The following RLF variants were observed in gnomAD, a reference collection of about 807,000 sequenced individuals.
The protein encoded by RLF is RLF zinc finger.
Under a neutral mutation model 162.9 loss-of-function variants are expected in RLF, and 7 were observed. That is an observed-to-expected ratio of 0.04 (90% CI 0.02 to 0.08). The LOEUF (loss-of-function observed/expected upper bound fraction) is 0.08. Ranked by LOEUF, RLF falls within the 10% of genes least tolerant of loss-of-function variation. The pLI is 1.00. For missense variants in RLF, 1,664 were observed against 2,244.7 expected, an observed-to-expected ratio of 0.74 and a Z score of 5.23; for synonymous variants, 782 against 791.5, an observed-to-expected ratio of 0.99 and a Z score of 0.20.
chr1:40,212,996 TTC>T (rs1282930702), intron 5 of RLF, among the ~76,000 whole-genome samples: 1 of 152,100 alleles, frequency 6.6e-6, no homozygotes, highest in Non-Finnish European at 1.5e-5. Context: ...CTCCACCACC[TTC>T]TTTTATGCTA....
rs149683741 is a variant in RLF, at chr1:40,197,301, T to C, written c.607+1537T>C. On this transcript the variant is annotated intron_variant, in intron 4 of 7. Transcript: ENST00000372771. ...TGTTTATAGTTTTCCATTGAGGTCC[T>C]CAATAAACGGCATCCCCTTGTAAAT... Among the ~76,000 whole-genome samples the C allele has an allele frequency of 1.7e-4, 26 of 152,352 alleles. No homozygotes were observed. In the East Asian group the frequency reaches 4.8e-3, roughly 28 times the overall value.
chr1:40,222,734 C>G (rs958909405), intron 6 of RLF, 24 bp downstream of exon 6: 1 of 1,600,484 alleles, frequency 6.2e-7, no homozygotes, highest in Non-Finnish European at 8.6e-7. Context: ...GTTTTACACT[C>G]TTTATTTGTT....
chr1:40,227,917 C>T (rs1449982428), intron 6 of RLF, among the ~76,000 whole-genome samples: 4 of 151,528 alleles, frequency 2.6e-5, no homozygotes, highest in East Asian at 3.9e-4. Flanking sequence ...GCAGGAGAAT[C>T]GCTTGAACCT....
At chr1:40,213,952 T>G (rs1426072255) in intron 5 of RLF, among the ~76,000 whole-genome samples, 1 of 152,236 alleles carries the variant, frequency 6.6e-6, no homozygotes, top group Non-Finnish European at 1.5e-5. Context: ...GTTGGCTGCC[T>G]CTTATGCCTG....
chr1:40,192,524 A>G (rs1404737903), intron 3 of RLF, among the ~76,000 whole-genome samples: 1 of 152,166 alleles, frequency 6.6e-6, no homozygotes, highest in Non-Finnish European at 1.5e-5. Flanking sequence ...CTCAACCTCT[A>G]TCCTTTTTAG....
intron 1 of RLF, among the ~76,000 whole-genome samples, chr1:40,179,941 A>G (rs566735773): frequency 6.6e-6 from 1 of 152,266 alleles, no homozygotes; most frequent in Admixed American, 6.5e-5. Context: ...CCCCTTTAAG[A>G]CTGAATAATA....
chr1:40,183,761 A>T (rs1342258657), intron 1 of RLF, among the ~76,000 whole-genome samples: 3 of 152,134 alleles, frequency 2.0e-5, no homozygotes. Flanking sequence ...AAAAATTCCC[A>T]AAAGACAACT....
Position 40,237,960 on chromosome 1 carries a change from G to A in RLF, c.3258G>A (p.Gln1086=), listed in dbSNP as rs1258919366. The A allele has an allele frequency of 1.2e-6, 2 of 1,613,966 alleles. No homozygotes were observed. The highest frequency in any genetic ancestry group is 1.7e-5 in the Admixed American group (1 of 59,994). ...ITHGSFSGSL[Q]GYPSSGAKSL... ...ATGGATCTTTCTCAGGGTCATTGCA[G>A]GGGTACCCATCCAGTGGTGCTAAGT... The change falls in exon 8 of 8, where the codon CAG becomes CAA. Residue 1086 remains glutamine (Q), a synonymous_variant. Coordinates refer to ENST00000372771, the MANE Select transcript of RLF (RefSeq NM_012421.4). The surrounding 1 kb of genome is among the most constrained non-coding windows in gnomAD (Gnocchi z 4.4).
At chr1:40,220,668 G>A (rs573749102) in intron 5 of RLF, among the ~76,000 whole-genome samples, 40 of 152,282 alleles carry the variant, frequency 2.6e-4, no homozygotes, top group South Asian at 1.2e-3. Flanking sequence ...CACGGTGCAG[G>A]TATTTAGCAA....
chr1:40,204,616 C>G (rs1642764620), intron 5 of RLF, among the ~76,000 whole-genome samples: 1 of 151,194 alleles, frequency 6.6e-6, no homozygotes, highest in Admixed American at 6.6e-5. Context: ...GAGACAGGGT[C>G]TTGCCATGTT....
chr1:40,174,385 G>A (rs1040425987), intron 1 of RLF, among the ~76,000 whole-genome samples: 16 of 149,888 alleles, frequency 1.1e-4, no homozygotes, highest in Non-Finnish European at 2.2e-4. Flanking sequence ...AAAAAAAAAA[G>A]TGACCTTTAT....
chr1:40,209,018 C>A (rs1017650251), intron 5 of RLF, among the ~76,000 whole-genome samples: 1 of 152,138 alleles, frequency 6.6e-6, no homozygotes, highest in Non-Finnish European at 1.5e-5. Context: ...TCACTGCCAA[C>A]CTTCTGGTTC....
intron 7 of RLF, among the ~76,000 whole-genome samples, chr1:40,231,970 G>T (rs1426953503): frequency 6.6e-6 from 1 of 152,182 alleles, no homozygotes; most frequent in Non-Finnish European, 1.5e-5. Flanking sequence ...CACTTTGGGA[G>T]GCCAAGGCGG....
chr1:40,208,066 A>T (rs1344584143), intron 5 of RLF, among the ~76,000 whole-genome samples: 2 of 152,178 alleles, frequency 1.3e-5, no homozygotes, highest in Non-Finnish European at 2.9e-5. Flanking sequence ...TTATTCTGGG[A>T]TGGATATTGG....
intron 1 of RLF, among the ~76,000 whole-genome samples, chr1:40,171,812 A>G (rs1018200014): frequency 6.6e-6 from 1 of 152,162 alleles, no homozygotes; most frequent in Non-Finnish European, 1.5e-5. Context: ...ATTGTTAAAA[A>G]TTAGAACAGT....
At chr1:40,188,739 T>C (rs943303519) in intron 1 of RLF, among the ~76,000 whole-genome samples, 1 of 152,204 alleles carries the variant, frequency 6.6e-6, no homozygotes, top group South Asian at 2.1e-4. Flanking sequence ...GCTTGGCACA[T>C]GGTTGAAAAC....
At chr1:40,228,297 AG>A (rs1643105127) in intron 6 of RLF, among the ~76,000 whole-genome samples, 1 of 150,626 alleles carries the variant, frequency 6.6e-6, no homozygotes. Context: ...AAAAAAAAAA[AG>A]CCAGGCGTGG....
intron 5 of RLF, among the ~76,000 whole-genome samples, chr1:40,219,262 A>C (rs959449557): frequency 6.6e-6 from 1 of 152,166 alleles, no homozygotes; most frequent in Non-Finnish European, 1.5e-5. Flanking sequence ...AAGAAGGTAC[A>C]GGTATTTGGG....
intron 6 of RLF, among the ~76,000 whole-genome samples, chr1:40,226,541 A>T (rs148740595): frequency 6.6e-6 from 1 of 152,350 alleles, no homozygotes; most frequent in East Asian, 1.9e-4. Flanking sequence ...CTAGACTGTG[A>T]TATACTAACC....
Sources: gnomAD v4.1 joint callset for allele counts (sites outside exome capture counted in the v4.1 genomes callset) on GRCh38, gnomAD v4.1.1 for gene constraint, Gnocchi (gnomAD v3.1) non-coding constraint, MANE v1.5 for transcripts, NCBI Gene and HGNC (gene_info 2026-07-23, HGNC 2026-07-21) for gene names.